Variants in KLF12 observed in about 807,000 individuals in gnomAD.
KLF12 encodes the protein Krueppel-like factor 12.
KLF12 carries 9 observed loss-of-function variants against 37.8 expected under a neutral mutation model. The observed-to-expected ratio is 0.24, with a 90% CI of 0.14 to 0.42. The LOEUF (loss-of-function observed/expected upper bound fraction) is 0.42. Ranked by LOEUF, KLF12 falls within the 10% of genes least tolerant of loss-of-function variation. KLF12 has a pLI of 1.00. For missense variants in KLF12, 411 were observed against 516.0 expected, an observed-to-expected ratio of 0.80 and a Z score of 1.97; for synonymous variants, 208 against 202.1, an observed-to-expected ratio of 1.03 and a Z score of -0.25.
intron 1 of KLF12, among the ~76,000 whole-genome samples, chr13:74,110,899 A>G (rs924871905): frequency 7.2e-5 from 11 of 152,140 alleles, no homozygotes; most frequent in Admixed American, 1.3e-4. Flanking sequence ...CTTCAATAAT[A>G]TAAGTTACAT....
At chr13:74,191,856 A>G in the KLF12 span, among the ~76,000 whole-genome samples, 5 of 152,184 alleles carry the variant, frequency 3.3e-5, no homozygotes, top group South Asian at 4.1e-4. Flanking sequence ...AAATATACGT[A>G]TATATTTACC....
chr13:73,869,964 T>C (rs372144670), intron 3 of KLF12, among the ~76,000 whole-genome samples: 2 of 152,230 alleles, frequency 1.3e-5, no homozygotes, highest in East Asian at 3.8e-4. Flanking sequence ...GGTTTTCATG[T>C]CTAGCTTGTT....
intron 3 of KLF12, among the ~76,000 whole-genome samples, chr13:73,932,808 G>A (rs1371320817): frequency 6.6e-6 from 1 of 152,156 alleles, no homozygotes; most frequent in Non-Finnish European, 1.5e-5. Context: ...AAAAGGCTCT[G>A]TGACTCTAGG....
At chr13:73,837,292 C>T (rs1884486519) in intron 4 of KLF12, among the ~76,000 whole-genome samples, 2 of 152,186 alleles carry the variant, frequency 1.3e-5, no homozygotes, top group South Asian at 4.1e-4. Flanking sequence ...TGTCTCCTCC[C>T]TGCGCCAGTT....
At chr13:74,082,436 G>A (rs1489997640) in intron 1 of KLF12, among the ~76,000 whole-genome samples, 5 of 152,120 alleles carry the variant, frequency 3.3e-5, no homozygotes, top group Non-Finnish European at 7.4e-5. Context: ...AAGAGATTAT[G>A]TGATATTAAA....
the KLF12 span, among the ~76,000 whole-genome samples, chr13:74,256,572 C>G: frequency 2.6e-5 from 4 of 152,034 alleles, no homozygotes; most frequent in Admixed American, 1.3e-4. Context: ...TTCAACCCAC[C>G]AGCGAATCAG....
At chr13:74,124,016 T>C (rs1240594224) in intron 1 of KLF12, among the ~76,000 whole-genome samples, 4 of 152,252 alleles carry the variant, frequency 2.6e-5, no homozygotes, top group African/African-American at 9.6e-5. Flanking sequence ...GTTGTTGTTG[T>C]TGTTAGCCCA....
chr13:73,786,832 C>T (rs368262097), intron 5 of KLF12, among the ~76,000 whole-genome samples: 113 of 150,484 alleles, frequency 7.5e-4, no homozygotes, highest in African/African-American at 2.7e-3. Flanking sequence ...GGCTGAGGTG[C>T]GAGGAATGCT....
the KLF12 span, among the ~76,000 whole-genome samples, chr13:74,284,810 A>G: frequency 0.77 from 117,704 of 152,162 alleles, 45,773 homozygotes; most frequent in South Asian, 0.88. Flanking sequence ...AAGTCCATGA[A>G]AATTATGGGC....
intron 5 of KLF12, among the ~76,000 whole-genome samples, chr13:73,798,922 A>G (rs9600171): frequency 0.57 from 86,964 of 151,988 alleles, 25,676 homozygotes; most frequent in Non-Finnish European, 0.64. Context: ...TGTATACCGA[A>G]AGGAATATAA....
At chr13:73,959,228 C>A (rs1192669997) in intron 2 of KLF12, among the ~76,000 whole-genome samples, 1 of 151,360 alleles carries the variant, frequency 6.6e-6, no homozygotes, top group Non-Finnish European at 1.5e-5. Context: ...AGGCTAGCAA[C>A]TGTTCCCTTG....
chr13:73,758,018 C>T (rs2138026071), intron 6 of KLF12, among the ~76,000 whole-genome samples: 1 of 152,078 alleles, frequency 6.6e-6, no homozygotes, highest in African/African-American at 2.4e-5. Flanking sequence ...CCCCACATTC[C>T]CTTCTTCATG....
At chr13:74,254,980 T>C in the KLF12 span, among the ~76,000 whole-genome samples, 4 of 152,190 alleles carry the variant, frequency 2.6e-5, no homozygotes, top group Admixed American at 6.5e-5. Flanking sequence ...GCTGCTGTGA[T>C]CATCAGCCAA....
At chr13:73,973,850 G>C (rs1238050056) in intron 2 of KLF12, among the ~76,000 whole-genome samples, 1 of 152,044 alleles carries the variant, frequency 6.6e-6, no homozygotes, top group African/African-American at 2.4e-5. Context: ...CTTCCAAAAA[G>C]TGATTATCAA....
At chr13:74,275,384 A>G in the KLF12 span, among the ~76,000 whole-genome samples, 1 of 152,216 alleles carries the variant, frequency 6.6e-6, no homozygotes, top group Non-Finnish European at 1.5e-5. Flanking sequence ...TCTTAACAGA[A>G]CAATTCTATA....
chr13:73,884,102 T>C (rs1887107518), intron 3 of KLF12, among the ~76,000 whole-genome samples: 1 of 152,178 alleles, frequency 6.6e-6, no homozygotes, highest in Non-Finnish European at 1.5e-5. Context: ...AAAACCTCAG[T>C]TTACCTATCA....
At chr13:74,159,799 G>A in the KLF12 span, among the ~76,000 whole-genome samples, 1 of 152,012 alleles carries the variant, frequency 6.6e-6, no homozygotes, top group East Asian at 1.9e-4. Flanking sequence ...TGGGCAGATT[G>A]CCTGAGCTCA....
the KLF12 span, among the ~76,000 whole-genome samples, chr13:74,261,481 A>G: frequency 6.6e-6 from 1 of 152,184 alleles, no homozygotes; most frequent in Non-Finnish European, 1.5e-5. Flanking sequence ...TATTCAAACC[A>G]AATTGGGTAA....
intron 6 of KLF12, among the ~76,000 whole-genome samples, chr13:73,720,748 A>C (rs1188089383): frequency 1.3e-5 from 2 of 152,228 alleles, no homozygotes; most frequent in African/African-American, 4.8e-5. Flanking sequence ...AGCTCTATTT[A>C]AATGGAAGGC....
Sources: allele counts gnomAD v4.1 joint callset (sites outside exome capture counted in the v4.1 genomes callset), GRCh38; gene constraint gnomAD v4.1.1; transcripts MANE v1.5; gene names NCBI Gene and HGNC (gene_info 2026-07-23, HGNC 2026-07-21).